CMTM6: variants seen among roughly 807,000 people sequenced by gnomAD.
CMTM6 encodes the protein CKLF like MARVEL transmembrane domain containing 6, also known as CKLF-like MARVEL transmembrane domain-containing protein 6.
A neutral mutation model predicts 13.6 loss-of-function variants in CMTM6; 5 were observed. The ratio of observed to expected loss-of-function variants is 0.37; its 90% CI spans 0.19 to 0.77. The LOEUF is 0.77. Ranked by LOEUF, CMTM6 falls within the 30% of genes least tolerant of loss-of-function variation. The pLI is 0.50. For synonymous variants in CMTM6, 99 were observed against 84.5 expected (o/e 1.17, Z -0.94); for missense variants, 196 against 218.6 (o/e 0.90, Z 0.65).
At chr3:32,490,759 AT>A (rs1207512962) in intron 2 of CMTM6, among the ~76,000 whole-genome samples, 1 of 152,170 alleles carries the variant, frequency 6.6e-6, no homozygotes, top group Non-Finnish European at 1.5e-5. Context: ...TTCTAAAAAT[AT>A]TTTTATGGTG....
intron 1 of CMTM6, 52 bp from the exon 2 acceptor site, chr3:32,491,938 G>T: frequency 1.4e-6 from 2 of 1,434,520 alleles, no homozygotes; most frequent in Non-Finnish European, 1.9e-6. Flanking sequence ...AGAATCTACA[G>T]TATTTAGAAA....
At chr3:32,489,078 C>T (rs1201868486) in intron 2 of CMTM6, among the ~76,000 whole-genome samples, 1 of 151,138 alleles carries the variant, frequency 6.6e-6, no homozygotes, top group Non-Finnish European at 1.5e-5. Context: ...ACCAGCCTGA[C>T]CAACATGGTG....
At chr3:32,491,604 T>C in intron 2 of CMTM6, 106 bp downstream of exon 2, 2 of 1,000,462 alleles carry the variant, frequency 2.0e-6, no homozygotes, top group South Asian at 2.2e-5. Flanking sequence ...AGGGATACTG[T>C]CTTTTCATGT....
At chr3:32,501,967 C>A (rs994259619) in intron 1 of CMTM6, among the ~76,000 whole-genome samples, 2 of 152,218 alleles carry the variant, frequency 1.3e-5, no homozygotes, top group Non-Finnish European at 2.9e-5. Context: ...TGGAAAGATG[C>A]ATACCATGTC....
At chr3:32,488,954 GC>G (rs1697227823) in intron 2 of CMTM6, among the ~76,000 whole-genome samples, 1 of 152,142 alleles carries the variant, frequency 6.6e-6, no homozygotes, top group Non-Finnish European at 1.5e-5. Flanking sequence ...TTTCTGAACT[GC>G]AAACTCCACT....
At chr3:32,495,970 C>T (rs890537806) in intron 1 of CMTM6, among the ~76,000 whole-genome samples, 4 of 151,970 alleles carry the variant, frequency 2.6e-5, no homozygotes, top group African/African-American at 9.7e-5. Context: ...GCGGGCAGAT[C>T]ACTTGAGGCC....
intron 1 of CMTM6, among the ~76,000 whole-genome samples, chr3:32,495,386 C>G (rs777214627): frequency 4.6e-4 from 70 of 152,148 alleles, no homozygotes; most frequent in Non-Finnish European, 9.0e-4. Context: ...CTTCCTTAGT[C>G]TCCTATAATC....
chr3:32,484,226 T>C, intron 3 of CMTM6, 129 bp from the exon 4 acceptor site: 2 of 806,006 alleles, frequency 2.5e-6, no homozygotes, highest in Non-Finnish European at 3.5e-6. Context: ...GACTACTCTT[T>C]AATGGTAAAA....
intron 3 of CMTM6, 88 bp downstream of exon 3, chr3:32,487,850 A>G (rs550479294): frequency 4.0e-5 from 33 of 829,542 alleles, no homozygotes; most frequent in African/African-American, 3.6e-4. Context: ...AACAACTCTA[A>G]CATGCTGTAT....
At chr3:32,496,991 G>C (rs1465936014) in intron 1 of CMTM6, among the ~76,000 whole-genome samples, 1 of 152,124 alleles carries the variant, frequency 6.6e-6, no homozygotes, top group Non-Finnish European at 1.5e-5. Flanking sequence ...AGGAACAGAG[G>C]ATTGGGTGGG....
chr3:32,489,064 C>T (rs1200917181), intron 2 of CMTM6, among the ~76,000 whole-genome samples: 2 of 151,180 alleles, frequency 1.3e-5, no homozygotes, highest in African/African-American at 4.9e-5. Context: ...GTCAGGAGTT[C>T]GAGACCAGCC....
intron 2 of CMTM6, among the ~76,000 whole-genome samples, chr3:32,490,457 A>G (rs533121597): frequency 6.6e-6 from 1 of 152,352 alleles, no homozygotes; most frequent in African/African-American, 2.4e-5. Flanking sequence ...ATGATTACAA[A>G]TATTTTAAAT....
chr3:32,482,772 C>A lies in CMTM6; in HGVS notation c.*1188G>T, dbSNP rs192903093. 1.7e-5 allele frequency: 2 copies of A among 119,224 alleles called. No homozygotes were observed. The highest frequency in any genetic ancestry group is 6.7e-5 in the African/African-American group (2 of 29,714). 7.4% of individuals were successfully genotyped at this position (119,224 alleles called of 1,614,324 possible). Reference sequence around the variant, plus strand: ...AACTAGAGCAATGCCTATGTAAGAACAAGGACTCTCAAGATCCTGCTACAC... The same window carrying A: ...AACTAGAGCAATGCCTATGTAAGAAAAAGGACTCTCAAGATCCTGCTACAC... On this transcript the variant is annotated 3_prime_UTR_variant, in exon 4 of 4. Transcript: ENST00000205636.
chr3:32,502,817 T>A lies in CMTM6; in HGVS notation c.-72A>T. The A allele has an allele frequency of 2.2e-6, 3 of 1,353,796 alleles. No homozygotes were observed. Among genetic ancestry groups the A allele is most frequent in the Non-Finnish European group, 2.8e-6 (3 of 1,052,846 alleles). The allele number at this position is 1,353,796 out of a possible 1,614,324, so 83.9% of individuals were successfully genotyped here. Reference sequence around the variant, plus strand: ...CTTCTCGGACTCCAGAAGTCCCCGGTAGCCGGGAGGCGGCCGTCACTTCCT... The same window carrying A: ...CTTCTCGGACTCCAGAAGTCCCCGGAAGCCGGGAGGCGGCCGTCACTTCCT... On this transcript the variant is annotated 5_prime_UTR_variant, in exon 1 of 4. Coordinates refer to ENST00000205636, the MANE Select transcript of CMTM6 (RefSeq NM_017801.3).
At chr3:32,502,079 TA>T (rs1322866358) in intron 1 of CMTM6, among the ~76,000 whole-genome samples, 2 of 152,346 alleles carry the variant, frequency 1.3e-5, no homozygotes, top group South Asian at 2.1e-4. Flanking sequence ...CCAGTCAATA[TA>T]AAACTTTTAG....
intron 1 of CMTM6, among the ~76,000 whole-genome samples, chr3:32,499,451 G>A (rs1009420422): frequency 1.3e-5 from 2 of 152,150 alleles, no homozygotes; most frequent in African/African-American, 4.8e-5. Context: ...GATACAATGT[G>A]GAGCTTGTTG....
intron 2 of CMTM6, among the ~76,000 whole-genome samples, chr3:32,489,828 C>G (rs1430699232): frequency 1.3e-5 from 2 of 151,782 alleles, no homozygotes; most frequent in Admixed American, 6.6e-5. Flanking sequence ...ATTTTTAGAC[C>G]ATAATGTAGT....
intron 1 of CMTM6, among the ~76,000 whole-genome samples, chr3:32,496,178 G>A (rs1697288038): frequency 6.7e-6 from 1 of 148,866 alleles, no homozygotes; most frequent in African/African-American, 2.5e-5. Flanking sequence ...TCCAGCCTGG[G>A]TGACAAAGCG....
intron 1 of CMTM6, among the ~76,000 whole-genome samples, chr3:32,493,080 T>C (rs1697263178): frequency 6.6e-6 from 1 of 152,270 alleles, no homozygotes; most frequent in Non-Finnish European, 1.5e-5. Flanking sequence ...AAGCATTCAA[T>C]TTAGTTTTAA....
Sources: gnomAD v4.1 joint callset for allele counts (sites outside exome capture counted in the v4.1 genomes callset) on GRCh38, gnomAD v4.1.1 for gene constraint, MANE v1.5 for transcripts, NCBI Gene and HGNC (gene_info 2026-07-23, HGNC 2026-07-21) for gene names.